Variants in ATP10B observed in about 807,000 individuals in gnomAD.
ATP10B encodes the protein ATPase phospholipid transporting 10B (putative), also known as phospholipid-transporting ATPase VB.
A neutral mutation model predicts 141.2 loss-of-function variants in ATP10B; 122 were observed. The ratio of observed to expected loss-of-function variants is 0.86; its 90% CI spans 0.75 to 1.00. The LOEUF (loss-of-function observed/expected upper bound fraction) is 1.00, where lower values mean the gene tolerates loss of function less well. Among genes scored for constraint, ATP10B ranks in the 50% least tolerant of loss-of-function variants. The pLI is 0.00. For missense variants in ATP10B, 1,876 were observed against 1,825.3 expected (o/e 1.03, Z -0.51); for synonymous variants, 685 against 692.0 (o/e 0.99, Z 0.16).
intron 9 of ATP10B, among the ~76,000 whole-genome samples, chr5:160,643,161 G>A (rs753830420): frequency 2.2e-4 from 34 of 152,126 alleles, no homozygotes; most frequent in African/African-American, 6.8e-4. Context: ...TAGCTAAATC[G>A]TGACATTATG....
chr5:160,636,110 C>A, intron 11 of ATP10B, 72 bp downstream of exon 11: 2 of 1,490,086 alleles, frequency 1.3e-6, no homozygotes, highest in African/African-American at 1.4e-5. Context: ...ACTGTTTTTT[C>A]TTTATTTTAC....
chr5:160,621,791 A>G (rs924916477), intron 14 of ATP10B, among the ~76,000 whole-genome samples: 2 of 152,356 alleles, frequency 1.3e-5, no homozygotes, highest in South Asian at 4.1e-4. Context: ...CACCTTCAGT[A>G]GATTTCAGAG....
chr5:160,858,866 TTATAA>T, the ATP10B span, among the ~76,000 whole-genome samples: 43 of 151,984 alleles, frequency 2.8e-4, no homozygotes, highest in Admixed American at 7.9e-4. Flanking sequence ...CCTTCCTAAT[TTATAA>T]TATAATTTTC....
At chr5:160,789,645 C>T (rs1771425164) in intron 1 of ATP10B, among the ~76,000 whole-genome samples, 1 of 152,122 alleles carries the variant, frequency 6.6e-6, no homozygotes, top group Non-Finnish European at 1.5e-5. Context: ...CACTTTGCAT[C>T]TATTATCTTA....
intron 1 of ATP10B, among the ~76,000 whole-genome samples, chr5:160,815,649 C>G (rs1454537504): frequency 6.6e-6 from 1 of 152,198 alleles, no homozygotes; most frequent in East Asian, 1.9e-4. Flanking sequence ...GAACTCAGCT[C>G]TGCACCAAGT....
intron 2 of ATP10B, among the ~76,000 whole-genome samples, chr5:160,751,345 G>T (rs1433873859): frequency 6.6e-6 from 1 of 152,096 alleles, no homozygotes; most frequent in African/African-American, 2.4e-5. Context: ...TCAGACTCAT[G>T]CTATGAAATG....
chr5:160,678,421 G>A (rs560307965), intron 6 of ATP10B, among the ~76,000 whole-genome samples: 1 of 152,306 alleles, frequency 6.6e-6, no homozygotes, highest in Non-Finnish European at 1.5e-5. Context: ...CACTTTGGGA[G>A]ACCGAAGTGG....
the ATP10B span, among the ~76,000 whole-genome samples, chr5:160,925,461 AGGT>A: frequency 1.3e-5 from 2 of 152,244 alleles, no homozygotes; most frequent in Non-Finnish European, 2.9e-5. Flanking sequence ...AAATTGCCCA[AGGT>A]CACACAGCTA....
intron 22 of ATP10B, among the ~76,000 whole-genome samples, chr5:160,592,550 C>T (rs184446167): frequency 2.4e-3 from 360 of 152,326 alleles, no homozygotes; most frequent in African/African-American, 8.3e-3. Context: ...TAGGGAGTGC[C>T]AGACAGTGGG....
intron 24 of ATP10B, among the ~76,000 whole-genome samples, chr5:160,573,158 C>T (rs139438988): frequency 1.7e-3 from 256 of 152,252 alleles, no homozygotes; most frequent in Non-Finnish European, 2.9e-3. Context: ...AGGGGGAGCC[C>T]CCATGAATGT....
At chr5:160,815,716 T>C (rs1050402088) in intron 1 of ATP10B, among the ~76,000 whole-genome samples, 1 of 152,216 alleles carries the variant, frequency 6.6e-6, no homozygotes, top group African/African-American at 2.4e-5. Flanking sequence ...TATATTCTTT[T>C]CACCACCACA....
At chr5:160,622,327 GC>G in intron 14 of ATP10B, 66 bp downstream of exon 14, 1 of 1,463,774 alleles carries the variant, frequency 6.8e-7, no homozygotes, top group Non-Finnish European at 9.2e-7. Context: ...TTCTCCCCTC[GC>G]CCCTACCCTG....
At chr5:160,739,657 C>T (rs887140312) in intron 2 of ATP10B, among the ~76,000 whole-genome samples, 1 of 152,100 alleles carries the variant, frequency 6.6e-6, no homozygotes, top group Non-Finnish European at 1.5e-5. Flanking sequence ...GAGACCGTGC[C>T]CTGGAGGGAA....
chr5:160,620,766 G>A lies in ATP10B; in HGVS notation c.1997C>T (p.Ala666Val), dbSNP rs746922329. 1 of 1,614,212 alleles carries A rather than the reference G, an allele frequency of 6.2e-7. No homozygotes were observed. The highest frequency in any genetic ancestry group is 8.5e-7 in the Non-Finnish European group (1 of 1,180,038). Reference sequence around the variant, plus strand: ...GGAGTCACCTCCACTGCACACAGATGCATCATCTCTCTCATCCGAGTCTGT... The same window carrying A: ...GGAGTCACCTCCACTGCACACAGATACATCATCTCTCTCATCCGAGTCTGT... ...ATTDSDERDD[A>V]SVCSGGDSTD... is the part of the protein sequence containing the mutation. The change falls in exon 15 of 26, where the codon GCA becomes GTA. Residue 666 changes from alanine (A) to valine (V), a missense_variant. By Grantham distance (64) the Ala-to-Val change is moderately conservative. Transcript: ENST00000327245.
chr5:160,829,181 C>T (rs1318568068), intron 1 of ATP10B, among the ~76,000 whole-genome samples: 2 of 151,622 alleles, frequency 1.3e-5, no homozygotes, highest in Non-Finnish European at 2.9e-5. Flanking sequence ...ACATTGTGCA[C>T]ATGTACCCTA....
At chr5:160,890,065 A>T in the ATP10B span, among the ~76,000 whole-genome samples, 2 of 152,084 alleles carry the variant, frequency 1.3e-5, no homozygotes, top group African/African-American at 4.8e-5. Flanking sequence ...TTTCCTTCAG[A>T]GTGTTTGCCT....
chr5:160,605,820 A>G (rs1757354448), intron 19 of ATP10B, among the ~76,000 whole-genome samples: 1 of 152,196 alleles, frequency 6.6e-6, no homozygotes, highest in African/African-American at 2.4e-5. Context: ...AGGGGATCCA[A>G]AAGTGAATAA....
chr5:160,589,771 A>G, intron 23 of ATP10B, 75 bp from the exon 24 acceptor site: 1 of 1,096,170 alleles, frequency 9.1e-7, no homozygotes, highest in African/African-American at 1.5e-5. Flanking sequence ...GTGATTATAA[A>G]GCATCAATGA....
chr5:160,782,479 A>ACACACACT (rs1491014104), intron 2 of ATP10B, among the ~76,000 whole-genome samples: 38 of 139,912 alleles, frequency 2.7e-4, no homozygotes, highest in African/African-American at 1.0e-3. Context: ...ACACACACAC[A>ACACACACT]CTCACTCACT....
Sources: allele counts gnomAD v4.1 joint callset (sites outside exome capture counted in the v4.1 genomes callset), GRCh38; gene constraint gnomAD v4.1.1; transcripts MANE v1.5; gene names NCBI Gene and HGNC (gene_info 2026-07-23, HGNC 2026-07-21).